The following USPL1 variants were observed in gnomAD, a reference collection of about 807,000 sequenced individuals.
USPL1 encodes the protein ubiquitin specific peptidase like 1, also known as SUMO-specific isopeptidase USPL1.
Under a neutral mutation model 51.5 loss-of-function variants are expected in USPL1, and 27 were observed. The ratio of observed to expected loss-of-function variants is 0.52; its 90% CI spans 0.39 to 0.72. The LOEUF is 0.72. USPL1 is among the 30% of genes least tolerant of loss of function. USPL1 has a pLI of 0.00. For missense variants in USPL1, 1,226 were observed against 1,268.0 expected (o/e 0.97, Z 0.50); for synonymous variants, 451 against 459.6 (o/e 0.98, Z 0.24).
At chr13:30,648,092 T>C (rs1951041883) in intron 7 of USPL1, among the ~76,000 whole-genome samples, 1 of 152,234 alleles carries the variant, frequency 6.6e-6, no homozygotes, top group East Asian at 1.9e-4. Context: ...TTCAATGCAA[T>C]TGCGTATTTG....
rs139083223 is a variant in USPL1, at chr13:30,623,296, G to T, written c.228+1404G>T. Among the ~76,000 whole-genome samples the T allele has an allele frequency of 2.7e-3, 407 of 152,182 alleles. 1 individual carries two copies. Among genetic ancestry groups the T allele is most frequent in the African/African-American group, 8.9e-3 (369 of 41,536 alleles). On this transcript the variant is annotated intron_variant, in intron 3 of 8. Transcript: ENST00000255304. ...GAAAGCAGCAGAGCGATAGAAGGTG[G>T]ATCAGAAAAATAATGGGGGAGCTGG...
Position 30,660,508 on chromosome 13 carries a change from A to G in USPL1, c.*1152A>G, listed in dbSNP as rs1951245411. The G allele has an allele frequency of 2.6e-5, 4 of 152,284 alleles. No homozygotes were observed. In the South Asian group the frequency reaches 8.3e-4, roughly 31 times the overall value. 9.4% of individuals were successfully genotyped at this position (152,284 alleles called of 1,614,324 possible). On this transcript the variant is annotated 3_prime_UTR_variant, in exon 9 of 9. Transcript: ENST00000255304. ...CAGGCTGACTGGAGCACCTGCCACC[A>G]TCATTAGTTCAAGAGTTTATGCAGA...
chr13:30,637,298 A>T (rs1950889419), intron 4 of USPL1, among the ~76,000 whole-genome samples: 1 of 152,250 alleles, frequency 6.6e-6, no homozygotes, highest in Non-Finnish European at 1.5e-5. Context: ...AGTTTGGGAA[A>T]TAATTGTAAC....
At chr13:30,625,990 G>A (rs969115770) in intron 3 of USPL1, among the ~76,000 whole-genome samples, 3 of 152,066 alleles carry the variant, frequency 2.0e-5, no homozygotes, top group Middle Eastern at 3.4e-3. Context: ...TAAATGGTTA[G>A]GAAAATATCA....
chr13:30,643,789 T>C (rs905329738), intron 6 of USPL1, among the ~76,000 whole-genome samples: 4 of 151,168 alleles, frequency 2.6e-5, no homozygotes, highest in Non-Finnish European at 5.9e-5. Flanking sequence ...TTTGTATTTT[T>C]AGTAGAGACA....
chr13:30,646,920 A>AT lies in USPL1; in HGVS notation c.1113-5dup, dbSNP rs764118342. 13 of 1,597,518 alleles carry AT rather than the reference A, an allele frequency of 8.1e-6. No individual in the cohort carries two copies. The highest frequency in any genetic ancestry group is 1.3e-5 in the African/African-American group (1 of 74,216). On this transcript the variant is annotated splice_polypyrimidine_tract_variant and intron_variant, in intron 6 of 8. Coordinates refer to ENST00000255304, the MANE Select transcript of USPL1 (RefSeq NM_005800.5). ...TTAACGTTAATGAATTTGTTATGTC[A>AT]TTTTTTTATAGGCATATGAAGAGTC...
chr13:30,644,632 G>A (rs1950993952), intron 6 of USPL1, among the ~76,000 whole-genome samples: 1 of 152,130 alleles, frequency 6.6e-6, no homozygotes, highest in Non-Finnish European at 1.5e-5. Flanking sequence ...GGCAGCTGGT[G>A]GGCAACAGAG....
chr13:30,653,666 C>T (rs1034417959), intron 8 of USPL1, among the ~76,000 whole-genome samples: 1 of 152,066 alleles, frequency 6.6e-6, no homozygotes, highest in African/African-American at 2.4e-5. Context: ...ATTAGACTTA[C>T]GTAGCCCTTC....
At position 30,658,561 on chromosome 13, in the gene USPL1, A is replaced by G. The variant is rs763061238; in HGVS notation, c.2484A>G (p.Pro828=). 6.2e-7 allele frequency: 1 copy of G among 1,614,160 alleles called. No individual in the cohort carries two copies. Among genetic ancestry groups the G allele is most frequent in the East Asian group, 2.2e-5 (1 of 44,884 alleles). ...GTAAGCCTCCTCCCATCAGTAAGCCACCAGCAGGCCCTCCATCGTCTAATG... is the reference window on the plus strand; with the variant it reads ...GTAAGCCTCCTCCCATCAGTAAGCCGCCAGCAGGCCCTCCATCGTCTAATG... ...SASKPPPISK[P]PAGPPSSNGT... Residue 828 remains proline (P), a synonymous_variant, in exon 9 of 9, where the codon CCA becomes CCG. Coordinates refer to ENST00000255304, the MANE Select transcript of USPL1 (RefSeq NM_005800.5).
intron 3 of USPL1, among the ~76,000 whole-genome samples, chr13:30,628,901 C>T (rs752869562): frequency 2.6e-5 from 4 of 152,006 alleles, no homozygotes; most frequent in African/African-American, 4.8e-5. Flanking sequence ...TTTTTGGATA[C>T]GTACCTTTTT....
intron 7 of USPL1, among the ~76,000 whole-genome samples, chr13:30,652,890 A>G (rs1010859272): frequency 6.6e-6 from 1 of 152,214 alleles, no homozygotes; most frequent in Non-Finnish European, 1.5e-5. Context: ...ATTTTTGTTT[A>G]ATGGTCTGTG....
At chr13:30,620,336 A>G (rs1950630917) in intron 1 of USPL1, among the ~76,000 whole-genome samples, 1 of 152,184 alleles carries the variant, frequency 6.6e-6, no homozygotes, top group Non-Finnish European at 1.5e-5. Flanking sequence ...TTTTCCTATC[A>G]TTGTGAACCC....
At chr13:30,620,710 T>C (rs556879730) in intron 1 of USPL1, among the ~76,000 whole-genome samples, 3 of 152,204 alleles carry the variant, frequency 2.0e-5, no homozygotes, top group Non-Finnish European at 2.9e-5. Flanking sequence ...TTTCTCAGTA[T>C]AATGCTGGCA....
Position 30,630,838 on chromosome 13 carries a change from A to G in USPL1, c.232A>G (p.Ile78Val). Residue 78 changes from isoleucine (I) to valine (V), a missense_variant, in exon 4 of 9, where the codon ATC becomes GTC. Physicochemically the swap from Ile to Val is conservative, Grantham distance 29. Coordinates refer to ENST00000255304, the MANE Select transcript of USPL1 (RefSeq NM_005800.5). ...SIFLCEDLQC[I>V]YPLGSKSLNN... ...TCATTTTATTTTTACTTTCCAGTGC[A>G]TCTATCCTTTGGGCTCTAAATCACT... 8 of 1,597,528 alleles carry G rather than the reference A, an allele frequency of 5.0e-6. No individual in the cohort carries two copies. Among genetic ancestry groups the G allele is most frequent in the Non-Finnish European group, 6.0e-6 (7 of 1,172,658 alleles).
rs766375039 is a variant in USPL1 at position 30,658,507 on chromosome 13, C to T, written c.2430C>T (p.His810=). Residue 810 remains histidine (H), a synonymous_variant, in exon 9 of 9, where the codon CAC becomes CAT. Coordinates refer to ENST00000255304, the MANE Select transcript of USPL1 (RefSeq NM_005800.5). The part of the protein sequence containing the change: ...KTKGINQKAS[H]VSKKARKSAS... ...AAGGTATAAACCAGAAGGCCAGCCACGTATCCAAGAAAGCTCGTAAGAGTG... is the reference window on the plus strand; with the variant it reads ...AAGGTATAAACCAGAAGGCCAGCCATGTATCCAAGAAAGCTCGTAAGAGTG... 3.1e-5 allele frequency: 50 copies of T among 1,613,890 alleles called. No homozygotes were observed. Among genetic ancestry groups the T allele is most frequent in the South Asian group, 2.1e-4 (19 of 91,080 alleles).
intron 4 of USPL1, among the ~76,000 whole-genome samples, chr13:30,637,380 G>A (rs111321980): frequency 6.7e-4 from 102 of 152,250 alleles, no homozygotes; most frequent in African/African-American, 2.4e-3. Context: ...ACACAGAGTG[G>A]AATAAATGGT....
At chr13:30,648,976 T>C (rs2251735) in intron 7 of USPL1, among the ~76,000 whole-genome samples, 151,715 of 152,336 alleles carry the variant, frequency 1, 75,554 homozygotes, top group South Asian at 1. Flanking sequence ...TGCTTTTTCC[T>C]GTGCCCCAGC....
chr13:30,633,998 A>G (rs1950841968), intron 4 of USPL1, among the ~76,000 whole-genome samples: 1 of 152,152 alleles, frequency 6.6e-6, no homozygotes, highest in Non-Finnish European at 1.5e-5. Context: ...TTTCATGGAT[A>G]AGAGATTTGT....
intron 3 of USPL1, 39 bp from the exon 4 acceptor site, chr13:30,630,796 A>G: frequency 6.6e-7 from 1 of 1,526,294 alleles, no homozygotes; most frequent in South Asian, 1.3e-5. Context: ...AAGTTATTTG[A>G]ATTTGTGTAG....
Sources: allele counts gnomAD v4.1 joint callset (sites outside exome capture counted in the v4.1 genomes callset), GRCh38; gene constraint gnomAD v4.1.1; transcripts MANE v1.5; gene names NCBI Gene and HGNC (gene_info 2026-07-23, HGNC 2026-07-21).